Variants in PCDH15 observed in about 807,000 individuals in gnomAD.
The protein encoded by PCDH15 is protocadherin-15.
Under a neutral mutation model 178.5 loss-of-function variants are expected in PCDH15, and 129 were observed. The ratio of observed to expected loss-of-function variants is 0.72; its 90% CI spans 0.63 to 0.84. The LOEUF (loss-of-function observed/expected upper bound fraction) is 0.84, where lower values mean the gene tolerates loss of function less well. Among genes scored for constraint, PCDH15 ranks in the 40% least tolerant of loss-of-function variants. The probability of loss-of-function intolerance (pLI) is 0.00; values close to 1 mark genes in which losing one functional copy is unlikely to be tolerated. For missense variants in PCDH15, 2,230 were observed against 2,099.9 expected (o/e 1.06, Z -1.21); for synonymous variants, 800 against 732.0 (o/e 1.09, Z -1.50).
chr10:54,136,006 C>T (rs1239450768), intron 14 of PCDH15, among the ~76,000 whole-genome samples: 3 of 151,936 alleles, frequency 2.0e-5, no homozygotes. Context: ...TTTCTTATTC[C>T]ACTCTATGAA....
intron 2 of PCDH15, among the ~76,000 whole-genome samples, chr10:54,605,116 T>C (rs918088248): frequency 6.6e-6 from 1 of 151,948 alleles, no homozygotes; most frequent in Non-Finnish European, 1.5e-5. Context: ...GTAATTTTAG[T>C]TATACCTATA....
At chr10:55,315,661 T>C (rs969070047) in intron 1 of PCDH15, among the ~76,000 whole-genome samples, 5 of 152,084 alleles carry the variant, frequency 3.3e-5, no homozygotes, top group Non-Finnish European at 2.9e-5. Flanking sequence ...AGGGGAAAAA[T>C]GTCCATATTT....
At position 53,897,777 on chromosome 10, in the gene PCDH15, A is replaced by G. The variant is rs190267476; in HGVS notation, c.3501+5466T>C. ...GAATTTGCCTACTCTAGGTAAGTAG[A>G]GTCATACAATATTTGCCCATGTCTA... On this transcript the variant is annotated intron_variant, in intron 26 of 37. Transcript: ENST00000644397. Among the ~76,000 whole-genome samples the G allele has an allele frequency of 2.8e-3, 427 of 152,248 alleles. 2 individuals are homozygous for G. Among genetic ancestry groups the G allele is most frequent in the Non-Finnish European group, 4.5e-3 (306 of 68,028 alleles).
chr10:55,374,143 T>C, intron 2 of PCDH15, among the ~76,000 whole-genome samples: 1 of 151,404 alleles, frequency 6.6e-6, no homozygotes, highest in East Asian at 1.9e-4. Flanking sequence ...GCTTTGGGCT[T>C]TGATTCTTCC....
chr10:54,949,225 A>T (rs1178531747), intron 2 of PCDH15, among the ~76,000 whole-genome samples: 1 of 152,044 alleles, frequency 6.6e-6, no homozygotes, highest in Non-Finnish European at 1.5e-5. Context: ...TAATTGATAC[A>T]CAGCTCAGCA....
At position 54,203,605 on chromosome 10, in the gene PCDH15, T is replaced by C. The variant is rs147424611; in HGVS notation, c.1099-7716A>G. ...TGACAACATTCTGAGTAATAGTATA[T>C]TCCTGTTGCTAGTGACTAAACATAG... On this transcript the variant is annotated intron_variant, in intron 10 of 37. Coordinates refer to ENST00000644397, the MANE Select transcript of PCDH15 (RefSeq NM_001384140.1). Among the ~76,000 whole-genome samples the C allele has an allele frequency of 1.0e-3, 153 of 152,276 alleles. 2 individuals are homozygous for C. In the East Asian group the frequency reaches 0.024, roughly 24 times the overall value.
At chr10:54,327,222 A>G (rs1297077696) in intron 7 of PCDH15, among the ~76,000 whole-genome samples, 7 of 151,920 alleles carry the variant, frequency 4.6e-5, no homozygotes. Flanking sequence ...TACCTTCCAC[A>G]GCAATCTGAC....
intron 18 of PCDH15, among the ~76,000 whole-genome samples, chr10:54,034,805 C>T (rs2093378658): frequency 6.6e-6 from 1 of 151,838 alleles, no homozygotes; most frequent in African/African-American, 2.4e-5. Context: ...CAGCAGCAGG[C>T]TTTATGAAAA....
chr10:55,418,325 G>A (rs940210735), intron 2 of PCDH15, among the ~76,000 whole-genome samples: 1 of 151,678 alleles, frequency 6.6e-6, no homozygotes, highest in Admixed American at 6.6e-5. Context: ...GCTGATTGTG[G>A]GAAATTGGAG....
chr10:55,019,240 T>C (rs1840264829), intron 2 of PCDH15, among the ~76,000 whole-genome samples: 1 of 152,308 alleles, frequency 6.6e-6, no homozygotes, highest in South Asian at 2.1e-4. Flanking sequence ...GTTAATATAA[T>C]AAACTCTAAT....
chr10:54,069,124 C>T (rs953173638), intron 17 of PCDH15, among the ~76,000 whole-genome samples: 29 of 152,068 alleles, frequency 1.9e-4, no homozygotes, highest in African/African-American at 6.0e-4. Context: ...TTTACAGTTG[C>T]GGTAGTTCCC....
chr10:53,913,287 A>AAT (rs2083258080), intron 25 of PCDH15, among the ~76,000 whole-genome samples: 2 of 152,182 alleles, frequency 1.3e-5, no homozygotes, highest in South Asian at 4.1e-4. Context: ...TACAAAAATT[A>AAT]ATTCAAGATG....
chr10:55,111,851 C>A (rs1837515149), intron 2 of PCDH15, among the ~76,000 whole-genome samples: 1 of 151,946 alleles, frequency 6.6e-6, no homozygotes, highest in Non-Finnish European at 1.5e-5. Flanking sequence ...GAAACTCCAT[C>A]TCAAAAAAAA....
rs574232594 is a variant in PCDH15, at chr10:54,794,858, T to C, written c.-29+6067A>G. Among the ~76,000 whole-genome samples the C allele has an allele frequency of 3.3e-5, 5 of 151,996 alleles. No individual in the cohort carries two copies. The South Asian group carries it at 8.3e-4, about 25-fold the overall frequency. On this transcript the variant is annotated intron_variant, in intron 1 of 37. Coordinates refer to ENST00000644397, the MANE Select transcript of PCDH15 (RefSeq NM_001384140.1). ...TTCCTAGATTGCTTTTTTTAAAACA[T>C]AGTCAAACAGTAGTAATAACAAATT... is the stretch of plus-strand genomic sequence containing the variant.
intron 3 of PCDH15, among the ~76,000 whole-genome samples, chr10:54,837,369 C>G (rs1185738431): frequency 2.0e-5 from 3 of 152,108 alleles, no homozygotes; most frequent in Admixed American, 1.3e-4. Context: ...CCCCTAAACA[C>G]ACACACTGCG....
chr10:54,063,880 C>G (rs888913681), intron 18 of PCDH15, among the ~76,000 whole-genome samples: 2 of 152,178 alleles, frequency 1.3e-5, no homozygotes, highest in African/African-American at 2.4e-5. Context: ...GCTGTGAGCA[C>G]CCGCGTCTGG....
chr10:54,857,528 C>A (rs11595109), intron 3 of PCDH15, among the ~76,000 whole-genome samples: 27,296 of 152,090 alleles, frequency 0.18, 2,627 homozygotes, highest in Non-Finnish European at 0.22. Context: ...CTCACTGCAA[C>A]CTCGAATTCC....
chr10:54,402,719 G>T (rs147617210), intron 3 of PCDH15, among the ~76,000 whole-genome samples: 1 of 151,934 alleles, frequency 6.6e-6, no homozygotes, highest in African/African-American at 2.4e-5. Context: ...TTGGGATGCC[G>T]CAAACCATTC....
chr10:54,068,424 C>T (rs2094177843), intron 17 of PCDH15, among the ~76,000 whole-genome samples: 1 of 151,962 alleles, frequency 6.6e-6, no homozygotes, highest in African/African-American at 2.4e-5. Context: ...ATGGTCAGAA[C>T]ATCATTATAT....
Sources: allele counts gnomAD v4.1 joint callset (sites outside exome capture counted in the v4.1 genomes callset), GRCh38; gene constraint gnomAD v4.1.1; transcripts MANE v1.5; gene names NCBI Gene and HGNC (gene_info 2026-07-23, HGNC 2026-07-21).